DUSP14: variants seen among roughly 807,000 people sequenced by gnomAD.
DUSP14 encodes dual specificity phosphatase 14, also known as dual specificity protein phosphatase 14.
In DUSP14, 5 loss-of-function variants were observed where a neutral mutation model predicts 13.2. The observed-to-expected ratio is 0.38, with a 90% CI of 0.20 to 0.80. The LOEUF is 0.80. DUSP14 is among the 30% of genes least tolerant of loss of function. The probability of loss-of-function intolerance (pLI) is 0.44; values close to 1 mark genes in which losing one functional copy is unlikely to be tolerated. For synonymous variants in DUSP14, 91 were observed against 103.4 expected (o/e 0.88, Z 0.73); for missense variants, 185 against 264.0 (o/e 0.70, Z 2.07).
chr17:37,507,599 T>C (rs532464574), intron 1 of DUSP14, among the ~76,000 whole-genome samples: 1 of 152,308 alleles, frequency 6.6e-6, no homozygotes, highest in East Asian at 1.9e-4. Flanking sequence ...ATTATAGGCA[T>C]GCACCACTGC....
chr17:37,499,902 C>T (rs2143077546), intron 1 of DUSP14, among the ~76,000 whole-genome samples: 1 of 152,330 alleles, frequency 6.6e-6, no homozygotes, highest in Non-Finnish European at 1.5e-5. Context: ...TGTTTCCAGA[C>T]AGTATTTTTT....
intron 1 of DUSP14, among the ~76,000 whole-genome samples, chr17:37,499,517 TTTTG>T (rs375157051): frequency 1.8e-3 from 275 of 150,014 alleles, no homozygotes; most frequent in African/African-American, 4.8e-3. Context: ...CTAGAAGTGT[TTTTG>T]TTTGTTTGTT....
rs531730090 is a variant in DUSP14 at position 37,495,241 on chromosome 17, G to T, written c.-181+5283G>T. On this transcript the variant is annotated intron_variant, in intron 1 of 2. Transcript: ENST00000617516. The stretch of plus-strand genomic sequence containing the variant: ...GGCCTAGGGCTGAGATCACAGCCAT[G>T]CCCTTTCATGTGCAGCCCACCCAGC... Among the ~76,000 whole-genome samples, 6 of 152,328 alleles carry T rather than the reference G, an allele frequency of 3.9e-5. No homozygotes were observed. The East Asian group carries it at 1.2e-3, about 29-fold the overall frequency.
chr17:37,501,732 G>T (rs1055043719), intron 1 of DUSP14, among the ~76,000 whole-genome samples: 1 of 152,148 alleles, frequency 6.6e-6, no homozygotes, highest in East Asian at 1.9e-4. Flanking sequence ...GGCCAGGCTG[G>T]TCATGAACTC....
intron 1 of DUSP14, among the ~76,000 whole-genome samples, chr17:37,496,915 CAAAA>C (rs71135730): frequency 3.0e-5 from 3 of 98,626 alleles, no homozygotes; most frequent in Non-Finnish European, 4.1e-5. Flanking sequence ...GACTCTGTCT[CAAAA>C]AAAAAAAAAA....
intron 1 of DUSP14, among the ~76,000 whole-genome samples, chr17:37,496,651 G>A (rs555740905): frequency 6.6e-6 from 1 of 152,282 alleles, no homozygotes; most frequent in East Asian, 1.9e-4. Context: ...CTACTCCAGA[G>A]GCTGAGACAG....
intron 1 of DUSP14, among the ~76,000 whole-genome samples, chr17:37,507,078 G>C (rs943873847): frequency 6.6e-6 from 1 of 152,166 alleles, no homozygotes; most frequent in Non-Finnish European, 1.5e-5. Flanking sequence ...TCTTTTCCTA[G>C]TTTCACTTCT....
At chr17:37,496,465 C>T (rs550140620) in intron 1 of DUSP14, among the ~76,000 whole-genome samples, 1 of 151,036 alleles carries the variant, frequency 6.6e-6, no homozygotes, top group South Asian at 2.1e-4. Flanking sequence ...AAAAATTAGC[C>T]GGGTGTTAGG....
At chr17:37,511,258 C>G (rs2054182887) in intron 2 of DUSP14, among the ~76,000 whole-genome samples, 1 of 151,982 alleles carries the variant, frequency 6.6e-6, no homozygotes, top group Non-Finnish European at 1.5e-5. Flanking sequence ...TACATTGTCA[C>G]GAAATGATAG....
intron 1 of DUSP14, among the ~76,000 whole-genome samples, chr17:37,497,357 G>A (rs909504126): frequency 2.6e-5 from 4 of 152,106 alleles, no homozygotes; most frequent in Non-Finnish European, 5.9e-5. Context: ...TGGCCAGGCT[G>A]GTCAAACCCC....
At chr17:37,507,814 A>G (rs1396459331) in intron 1 of DUSP14, among the ~76,000 whole-genome samples, 1 of 152,138 alleles carries the variant, frequency 6.6e-6, no homozygotes, top group African/African-American at 2.4e-5. Flanking sequence ...ATTTTCCACA[A>G]TGAGGAGCGT....
chr17:37,506,651 C>T (rs2054139879), intron 1 of DUSP14, among the ~76,000 whole-genome samples: 1 of 152,130 alleles, frequency 6.6e-6, no homozygotes, highest in Non-Finnish European at 1.5e-5. Context: ...TTTTCATGCA[C>T]CTGTGATATA....
At chr17:37,504,069 C>CTG (rs1282871769) in intron 1 of DUSP14, among the ~76,000 whole-genome samples, 2 of 152,144 alleles carry the variant, frequency 1.3e-5, no homozygotes, top group Non-Finnish European at 2.9e-5. Flanking sequence ...TGGTGTATGC[C>CTG]TGTAATCCCA....
At chr17:37,498,228 A>C (rs1378320241) in intron 1 of DUSP14, among the ~76,000 whole-genome samples, 2 of 151,348 alleles carry the variant, frequency 1.3e-5, no homozygotes, top group Non-Finnish European at 2.9e-5. Context: ...TGTTTTACAG[A>C]GCTTCAATTA....
chr17:37,510,798 C>T (rs1158678623), intron 2 of DUSP14, 34 bp downstream of exon 2: 1 of 152,144 alleles, frequency 6.6e-6, no homozygotes, highest in Non-Finnish European at 1.5e-5. Context: ...CTGTTGAACC[C>T]GGGGAGGCTC....
chr17:37,504,445 TATC>T (rs1221036452), intron 1 of DUSP14, among the ~76,000 whole-genome samples: 11 of 152,244 alleles, frequency 7.2e-5, no homozygotes, highest in Non-Finnish European at 1.3e-4. Flanking sequence ...CCTCATGTAT[TATC>T]CTATGATATC....
intron 1 of DUSP14, among the ~76,000 whole-genome samples, chr17:37,497,235 C>G (rs2054071942): frequency 6.6e-6 from 1 of 152,048 alleles, no homozygotes; most frequent in African/African-American, 2.4e-5. Flanking sequence ...CTCCGCCCTC[C>G]AGGTTCAAGT....
intron 2 of DUSP14, among the ~76,000 whole-genome samples, chr17:37,511,259 G>T (rs989350335): frequency 1.3e-5 from 2 of 152,022 alleles, no homozygotes; most frequent in Non-Finnish European, 2.9e-5. Context: ...ACATTGTCAC[G>T]AAATGATAGG....
At chr17:37,508,024 G>C (rs761674235) in intron 1 of DUSP14, among the ~76,000 whole-genome samples, 1 of 152,224 alleles carries the variant, frequency 6.6e-6, no homozygotes, top group East Asian at 1.9e-4. Context: ...ATGTGACTGC[G>C]TCCTTGTTCC....
Sources: gnomAD v4.1 joint callset for allele counts (sites outside exome capture counted in the v4.1 genomes callset) on GRCh38, gnomAD v4.1.1 for gene constraint, MANE v1.5 for transcripts, NCBI Gene and HGNC (gene_info 2026-07-23, HGNC 2026-07-21) for gene names.